Variants in PCAT7 observed in about 807,000 individuals in gnomAD.
The protein encoded by PCAT7 is prostate cancer associated transcript 7 (non-protein coding).
chr9:94,562,877 G>A (rs1288279061), intron 2 of PCAT7, among the ~76,000 whole-genome samples: 1 of 152,154 alleles, frequency 6.6e-6, no homozygotes, highest in Non-Finnish European at 1.5e-5. Flanking sequence ...ATTCTCTAGG[G>A]GATACTTGGG....
chr9:94,571,071 A>C (rs1327636735), intron 2 of PCAT7, among the ~76,000 whole-genome samples: 2 of 152,224 alleles, frequency 1.3e-5, no homozygotes, highest in Non-Finnish European at 2.9e-5. Context: ...CAGCATTTAA[A>C]AGTGAAATTC....
intron 2 of PCAT7, among the ~76,000 whole-genome samples, chr9:94,562,619 G>A (rs1004591746): frequency 2.0e-5 from 3 of 152,102 alleles, no homozygotes; most frequent in Admixed American, 6.5e-5. Flanking sequence ...GCTGGTTGTT[G>A]GTGTGTCAGA....
intron 1 of PCAT7, among the ~76,000 whole-genome samples, chr9:94,556,019 G>T (rs1368488242): frequency 6.6e-6 from 1 of 150,480 alleles, no homozygotes; most frequent in Non-Finnish European, 1.5e-5. Flanking sequence ...AAAGAGGGAG[G>T]TGAGCAGGAG....
At chr9:94,568,127 C>CA (rs34691750) in intron 2 of PCAT7, 78,680 of 140,692 alleles carry the variant, frequency 0.56, 22,146 homozygotes, top group Admixed American at 0.63. Flanking sequence ...GACTCCATCT[C>CA]AAAAAAAAAA....
intron 2 of PCAT7, chr9:94,567,269 C>A: frequency 6.2e-7 from 1 of 1,614,154 alleles, no homozygotes; most frequent in South Asian, 1.1e-5. Context: ...TCTTCACTCA[C>A]CTCAGGGAAT....
Position 94,556,626 on chromosome 9 carries a change from T to TC in PCAT7, n.257+1317dup, listed in dbSNP as rs755638010. 1.3e-3 allele frequency among the ~76,000 whole-genome samples: 194 copies of TC among 152,372 alleles called. 1 individual carries two copies. Among genetic ancestry groups the TC allele is most frequent in the Non-Finnish European group, 9.1e-4 (62 of 68,038 alleles). Reference sequence around the variant, plus strand: ...CCTGATGCATAGTTTGCAAATACTTTCTTCCATTCTCTGGGTTCTGTCTTC... The same window carrying TC: ...CCTGATGCATAGTTTGCAAATACTTTCCTTCCATTCTCTGGGTTCTGTCTTC... On this transcript the variant is annotated intron_variant and non_coding_transcript_variant, in intron 1 of 8. Transcript: ENST00000647389.
At chr9:94,565,800 T>TAGATAGAAAATAGATACATAGATGATA (rs1827180665) in intron 2 of PCAT7, among the ~76,000 whole-genome samples, 1 of 151,608 alleles carries the variant, frequency 6.6e-6, no homozygotes, top group African/African-American at 2.4e-5. Context: ...GATAGATAGG[T>TAGATAGAAAATAGATACATAGATGATA]GAGAGTGAGG....
At chr9:94,566,323 G>A (rs560472855) in intron 2 of PCAT7, among the ~76,000 whole-genome samples, 1 of 152,234 alleles carries the variant, frequency 6.6e-6, no homozygotes, top group East Asian at 1.9e-4. Flanking sequence ...ACCGGAATGA[G>A]GGCAAGGAAC....
intron 2 of PCAT7, chr9:94,567,408 C>T: frequency 6.2e-7 from 1 of 1,613,900 alleles, no homozygotes; most frequent in Non-Finnish European, 8.5e-7. Context: ...CACCAAGAGC[C>T]TAGCAACATG....
At chr9:94,555,660 G>A (rs989871285) in intron 1 of PCAT7, among the ~76,000 whole-genome samples, 5 of 151,628 alleles carry the variant, frequency 3.3e-5, no homozygotes, top group African/African-American at 9.7e-5. Flanking sequence ...TTTGGGTAGA[G>A]GAGCAAAAGA....
intron 2 of PCAT7, chr9:94,571,429 C>G (rs1564183342): frequency 1.3e-6 from 2 of 1,571,266 alleles, no homozygotes; most frequent in South Asian, 2.4e-5. Flanking sequence ...CATGGAGTCC[C>G]CAGGCACAGA....
At chr9:94,562,838 A>G (rs1187366827) in intron 2 of PCAT7, among the ~76,000 whole-genome samples, 1 of 152,172 alleles carries the variant, frequency 6.6e-6, no homozygotes, top group African/African-American at 2.4e-5. Flanking sequence ...CTGAGTTCTG[A>G]GTAGAAGTTC....
intron 2 of PCAT7, among the ~76,000 whole-genome samples, chr9:94,572,118 T>G (rs1827276133): frequency 1.3e-5 from 2 of 152,176 alleles, no homozygotes; most frequent in African/African-American, 2.4e-5. Context: ...TCTGCCTTTC[T>G]CTCTGACTCT....
chr9:94,561,569 G>A (rs1827103882), intron 2 of PCAT7, among the ~76,000 whole-genome samples: 1 of 151,998 alleles, frequency 6.6e-6, no homozygotes, highest in South Asian at 2.1e-4. Context: ...GTTTCACTGT[G>A]TTAGCCAGGA....
chr9:94,561,586 C>G (rs965189404), intron 2 of PCAT7, among the ~76,000 whole-genome samples: 1 of 151,944 alleles, frequency 6.6e-6, no homozygotes, highest in East Asian at 1.9e-4. Flanking sequence ...AGGATGGTCT[C>G]GATCTTCTGA....
chr9:94,559,249 C>T (rs992779498), intron 2 of PCAT7: 44 of 823,404 alleles, frequency 5.3e-5, no homozygotes, highest in Non-Finnish European at 7.4e-5. Context: ...CTAGCATGAG[C>T]GCACCATGCA....
At chr9:94,571,558 G>C (rs1827269740) in intron 2 of PCAT7, 1 of 1,613,808 alleles carries the variant, frequency 6.2e-7, no homozygotes, top group Non-Finnish European at 8.5e-7. Context: ...CAATATTGCG[G>C]CCACACTGCA....
intron 2 of PCAT7, among the ~76,000 whole-genome samples, chr9:94,566,859 A>T (rs80066146): frequency 0.029 from 4,347 of 152,296 alleles, 191 homozygotes; most frequent in East Asian, 0.15. Flanking sequence ...TATGTTTCTA[A>T]TCTCTTTTAA....
intron 2 of PCAT7, chr9:94,568,261 C>T (rs1006399735): frequency 3.3e-5 from 5 of 152,092 alleles, no homozygotes; most frequent in Non-Finnish European, 5.9e-5. Context: ...CTGTGTTCAC[C>T]CAGCGTAAGG....
Sources: allele counts gnomAD v4.1 joint callset (sites outside exome capture counted in the v4.1 genomes callset), GRCh38; gene constraint gnomAD v4.1.1; transcripts MANE v1.5; gene names NCBI Gene and HGNC (gene_info 2026-07-23, HGNC 2026-07-21).